The following SPATA21 variants were observed in gnomAD, a reference collection of about 807,000 sequenced individuals.
SPATA21 encodes spermatogenesis associated 21.
SPATA21 carries 47 observed loss-of-function variants against 54.8 expected under a neutral mutation model. That is an observed-to-expected ratio of 0.86 (90% confidence interval 0.68 to 1.09). SPATA21 has a LOEUF of 1.09. Among genes scored for constraint, SPATA21 ranks in the 50% least tolerant of loss-of-function variants. The pLI is 0.00. For synonymous variants in SPATA21, 245 were observed against 235.3 expected, an observed-to-expected ratio of 1.04 and a Z score of -0.38; for missense variants, 599 against 596.4, an observed-to-expected ratio of 1.00 and a Z score of -0.05.
chr1:16,410,793 G>A (rs768973474), intron 5 of SPATA21: 6 of 385,254 alleles, frequency 1.6e-5, no homozygotes, highest in Non-Finnish European at 3.2e-5. Context: ...GTGATCCTCC[G>A]CCTTGGCCTC....
At chr1:16,411,249 C>T (rs893391241) in intron 5 of SPATA21, among the ~76,000 whole-genome samples, 1 of 152,120 alleles carries the variant, frequency 6.6e-6, no homozygotes, top group Non-Finnish European at 1.5e-5. Flanking sequence ...GGCAGTGACA[C>T]GATCTCAGCT....
At position 16,399,451 on chromosome 1, in the gene SPATA21, C is replaced by T; in HGVS notation, c.1245G>A (p.Met415Ile). The change falls in exon 12 of 13, where the codon ATG (methionine) becomes ATA (isoleucine). Residue 415 changes from methionine (M) to isoleucine (I), a missense_variant. By Grantham distance (10) the Met-to-Ile change is conservative. Transcript: ENST00000335496. ...AGTGGTTGCTCGGCTGCCTACGGAC[C>T]ATCTTCTTGTCCAGCTGTGGGCAGA... ...ILLCPQLDKK[M>I]VRRQPSNHYA... 6.2e-7 allele frequency: 1 copy of T among 1,614,188 alleles called. No individual in the cohort carries two copies. The highest frequency in any genetic ancestry group is 8.5e-7 in the Non-Finnish European group (1 of 1,180,044).
chr1:16,410,091 T>G, intron 5 of SPATA21, 48 bp from the exon 6 acceptor site: 1 of 1,420,438 alleles, frequency 7.0e-7, no homozygotes, highest in Non-Finnish European at 9.5e-7. Flanking sequence ...GGCCAGAGTG[T>G]CCCACAAATC....
At chr1:16,431,864 G>A (rs1396679270) in intron 2 of SPATA21, among the ~76,000 whole-genome samples, 1 of 152,118 alleles carries the variant, frequency 6.6e-6, no homozygotes, top group Non-Finnish European at 1.5e-5. Flanking sequence ...GCTCTTTCCT[G>A]TACAACTTCT....
chr1:16,400,950 C>T (rs938673656), intron 10 of SPATA21, 58 bp from the exon 11 acceptor site: 1 of 1,562,288 alleles, frequency 6.4e-7, no homozygotes, highest in Admixed American at 1.9e-5. Context: ...CCCTTCTCCT[C>T]CTCAGCCCCT....
intron 5 of SPATA21, among the ~76,000 whole-genome samples, chr1:16,412,850 C>T (rs1042312249): frequency 6.6e-6 from 1 of 152,068 alleles, no homozygotes; most frequent in East Asian, 1.9e-4. Flanking sequence ...AGTGTGGTGG[C>T]GTGATCTTGG....
At chr1:16,419,763 A>G (rs1213950260) in intron 5 of SPATA21, among the ~76,000 whole-genome samples, 1 of 152,168 alleles carries the variant, frequency 6.6e-6, no homozygotes, top group African/African-American at 2.4e-5. Flanking sequence ...AATATGGTGA[A>G]ACCCCATCTT....
In SPATA21 at chr1:16,409,281, G is replaced by A; in HGVS notation, c.588-78C>T. 2.0e-6 allele frequency: 3 copies of A among 1,522,530 alleles called. No homozygotes were observed. The highest frequency in any genetic ancestry group is 2.7e-6 in the Non-Finnish European group (3 of 1,105,862). 94.3% of individuals were successfully genotyped at this position (1,522,530 alleles called of 1,614,324 possible). A position where few individuals can be genotyped will look rare whatever the true frequency, so the allele number is the denominator to read the frequency against. Reference sequence around the variant, plus strand: ...GATAGCTAGGGGAGGGGTTGGGGGAGCCTGCAGGAGGAGGTCGTGGGGGAG... The same window carrying A: ...GATAGCTAGGGGAGGGGTTGGGGGAACCTGCAGGAGGAGGTCGTGGGGGAG... On this transcript the variant is annotated intron_variant, in intron 6 of 12. Coordinates refer to ENST00000335496, the MANE Select transcript of SPATA21 (RefSeq NM_198546.1). This position sits in a 1 kb window ranked among gnomAD's most constrained non-coding sequence, Gnocchi z 4.1.
intron 7 of SPATA21, among the ~76,000 whole-genome samples, chr1:16,408,345 A>C (rs1337065317): frequency 6.6e-6 from 1 of 152,010 alleles, no homozygotes; most frequent in Non-Finnish European, 1.5e-5. Context: ...TGCAGTGGGA[A>C]TGGGGTACAT....
At chr1:16,413,472 T>G (rs2085912284) in intron 5 of SPATA21, among the ~76,000 whole-genome samples, 1 of 152,252 alleles carries the variant, frequency 6.6e-6, no homozygotes, top group Non-Finnish European at 1.5e-5. Flanking sequence ...AATACTGCTA[T>G]GAACATGGGT....
At chr1:16,423,425 A>G (rs1012705063) in intron 3 of SPATA21, among the ~76,000 whole-genome samples, 10 of 151,440 alleles carry the variant, frequency 6.6e-5, no homozygotes, top group African/African-American at 2.4e-4. Context: ...AAAAAAAAAA[A>G]AAAAAAAAGT....
In SPATA21 at chr1:16,428,427, T is replaced by C. The variant is rs548159280; in HGVS notation, c.34+2911A>G. Reference sequence around the variant, plus strand: ...TTTTTTGAGAGAGAGTTTCCCTCCTTTGCCCAGGCTGGAGTGCAGTGGCAC... The same window carrying C: ...TTTTTTGAGAGAGAGTTTCCCTCCTCTGCCCAGGCTGGAGTGCAGTGGCAC... On this transcript the variant is annotated intron_variant, in intron 3 of 12. Coordinates refer to ENST00000335496, the MANE Select transcript of SPATA21 (RefSeq NM_198546.1). The surrounding 1 kb of genome is among the most constrained non-coding windows in gnomAD (Gnocchi z 4.3). 6.6e-6 allele frequency among the ~76,000 whole-genome samples: 1 copy of C among 152,276 alleles called. No homozygotes were observed. Among genetic ancestry groups the C allele is most frequent in the Admixed American group, 6.5e-5 (1 of 15,292 alleles).
chr1:16,396,180 T>C (rs1480506477), downstream of SPATA21: 1 of 152,580 alleles, frequency 6.6e-6, no homozygotes, highest in Non-Finnish European at 1.5e-5. Flanking sequence ...CCTCCAGGAC[T>C]CTGAGCCTTC....
intron 3 of SPATA21, chr1:16,427,786 A>G: frequency 6.9e-7 from 1 of 1,456,032 alleles, no homozygotes; most frequent in Non-Finnish European, 9.2e-7. Flanking sequence ...GGAGTTCTCC[A>G]TTCTCTCTCT....
chr1:16,419,000 G>A (rs777283656), intron 5 of SPATA21, among the ~76,000 whole-genome samples: 5 of 152,180 alleles, frequency 3.3e-5, no homozygotes, highest in Admixed American at 6.5e-5. Context: ...TAGCAAGGCT[G>A]CCCTCAGGGA....
At chr1:16,432,114 C>CTTTTTTTTT (rs35240103) in intron 2 of SPATA21, among the ~76,000 whole-genome samples, 11 of 133,106 alleles carry the variant, frequency 8.3e-5, no homozygotes, top group South Asian at 2.3e-4. Context: ...TCTTCTTCTT[C>CTTTTTTTTT]TTTTTTTTTT....
intron 11 of SPATA21, among the ~76,000 whole-genome samples, chr1:16,399,992 G>A (rs1407108986): frequency 6.6e-6 from 1 of 152,088 alleles, no homozygotes; most frequent in Non-Finnish European, 1.5e-5. Context: ...ACTAGTTAGG[G>A]GCATTGGGCA....
intron 11 of SPATA21, chr1:16,400,375 C>G (rs751312559): frequency 3.5e-5 from 31 of 893,666 alleles, no homozygotes; most frequent in Non-Finnish European, 4.2e-5. Context: ...GTATTAAATT[C>G]TAGAGCATCT....
At chr1:16,423,316 GGT>G (rs2086222847) in intron 3 of SPATA21, among the ~76,000 whole-genome samples, 1 of 149,308 alleles carries the variant, frequency 6.7e-6, no homozygotes, top group Non-Finnish European at 1.5e-5. Context: ...AGGAGGCTGA[GGT>G]GGGAGGATCA....
Sources: allele counts gnomAD v4.1 joint callset (sites outside exome capture counted in the v4.1 genomes callset), GRCh38; gene constraint gnomAD v4.1.1; non-coding constraint Gnocchi (gnomAD v3.1); transcripts MANE v1.5; gene names NCBI Gene and HGNC (gene_info 2026-07-23, HGNC 2026-07-21).